Variants in CNTN5 observed in about 807,000 individuals in gnomAD.
CNTN5 encodes contactin 5.
Under a neutral mutation model 129.1 loss-of-function variants are expected in CNTN5, and 77 were observed. The observed-to-expected ratio is 0.60, with a 90% confidence interval of 0.50 to 0.72. The LOEUF (loss-of-function observed/expected upper bound fraction) is 0.72, where lower values mean the gene tolerates loss of function less well. Among genes scored for constraint, CNTN5 ranks in the 30% least tolerant of loss-of-function variants. The pLI is 0.00. For synonymous variants in CNTN5, 509 were observed against 465.6 expected (o/e 1.09, Z -1.20); for missense variants, 1,478 against 1,328.8 (o/e 1.11, Z -1.75).
At chr11:100,170,830 C>A (rs1947800842) in intron 13 of CNTN5, among the ~76,000 whole-genome samples, 1 of 151,664 alleles carries the variant, frequency 6.6e-6, no homozygotes, top group Admixed American at 6.6e-5. Flanking sequence ...TACACTGATT[C>A]TCTGATGCTT....
At chr11:99,721,056 G>C (rs115006966) in intron 3 of CNTN5, among the ~76,000 whole-genome samples, 5 of 151,962 alleles carry the variant, frequency 3.3e-5, no homozygotes, top group Admixed American at 3.3e-4. Flanking sequence ...TAAAATGGCC[G>C]TACTGCCCAA....
chr11:99,985,027 T>G (rs567985603), intron 8 of CNTN5, among the ~76,000 whole-genome samples: 16 of 152,240 alleles, frequency 1.1e-4, no homozygotes, highest in Non-Finnish European at 1.8e-4. Flanking sequence ...TGAGGGTGCC[T>G]GCAACGGTGA....
At chr11:99,580,529 A>T (rs1949541161) in intron 3 of CNTN5, among the ~76,000 whole-genome samples, 5 of 152,078 alleles carry the variant, frequency 3.3e-5, no homozygotes, top group Admixed American at 3.3e-4. Flanking sequence ...GTCTATTCAG[A>T]TATTCAACTT....
intron 1 of CNTN5, among the ~76,000 whole-genome samples, chr11:99,158,887 A>G (rs1860461065): frequency 1.3e-5 from 2 of 152,192 alleles, no homozygotes. Flanking sequence ...ATAAACCTTC[A>G]GTAAATTATA....
intron 18 of CNTN5, among the ~76,000 whole-genome samples, chr11:100,291,339 C>T (rs994033679): frequency 1.7e-4 from 26 of 151,854 alleles, no homozygotes; most frequent in African/African-American, 5.1e-4. Context: ...TTCACAATAG[C>T]GAAGACTTGG....
At chr11:99,553,191 A>T (rs1384398057) in intron 2 of CNTN5, among the ~76,000 whole-genome samples, 1 of 152,164 alleles carries the variant, frequency 6.6e-6, no homozygotes, top group Non-Finnish European at 1.5e-5. Context: ...AAGTTATTTT[A>T]AAAATGTGAG....
chr11:100,312,520 A>G (rs1426318442), intron 21 of CNTN5, among the ~76,000 whole-genome samples: 1 of 152,062 alleles, frequency 6.6e-6, no homozygotes, highest in Non-Finnish European at 1.5e-5. Context: ...ATGAACCCAT[A>G]AAGCTTAACA....
intron 13 of CNTN5, among the ~76,000 whole-genome samples, chr11:100,177,017 A>T (rs1305264323): frequency 1.3e-5 from 2 of 151,982 alleles, no homozygotes; most frequent in Non-Finnish European, 2.9e-5. Context: ...TCTGCTGAAG[A>T]GTATGTTATC....
chr11:99,741,955 A>G (rs536914885), intron 3 of CNTN5, among the ~76,000 whole-genome samples: 1 of 152,274 alleles, frequency 6.6e-6, no homozygotes, highest in African/African-American at 2.4e-5. Context: ...CATTTTACTA[A>G]CAAGAAGAAA....
intron 16 of CNTN5, among the ~76,000 whole-genome samples, chr11:100,243,060 T>C (rs1420958309): frequency 6.6e-6 from 1 of 152,214 alleles, no homozygotes; most frequent in Non-Finnish European, 1.5e-5. Context: ...CTTCCACCTC[T>C]GTAATCCTTC....
chr11:99,585,781 T>C (rs1328035727), intron 3 of CNTN5, among the ~76,000 whole-genome samples: 2 of 152,152 alleles, frequency 1.3e-5, no homozygotes, highest in Non-Finnish European at 2.9e-5. Flanking sequence ...TTAGTCATGT[T>C]TGAGAGCATG....
At position 100,222,493 on chromosome 11, in the gene CNTN5, G is replaced by A. The variant is rs185088869; in HGVS notation, c.1885-2199G>A. Among the ~76,000 whole-genome samples the A allele has an allele frequency of 2.0e-5, 3 of 152,048 alleles. No homozygotes were observed. In the East Asian group the frequency reaches 5.8e-4, roughly 29 times the overall value. On this transcript the variant is annotated intron_variant, in intron 15 of 24. Coordinates refer to ENST00000524871, the MANE Select transcript of CNTN5 (RefSeq NM_014361.4). ...AGGAGATATATAAATAAATTATTTG[G>A]GAAGACAAAAGTCTGGAAAATGAGA...
chr11:99,106,952 C>T (rs1186686552), intron 1 of CNTN5, among the ~76,000 whole-genome samples: 7 of 152,042 alleles, frequency 4.6e-5, no homozygotes, highest in South Asian at 2.1e-4. Context: ...ACTAATCCTA[C>T]GAGACCAAAA....
At chr11:99,142,571 G>C (rs1859574847) in intron 1 of CNTN5, among the ~76,000 whole-genome samples, 1 of 152,094 alleles carries the variant, frequency 6.6e-6, no homozygotes, top group South Asian at 2.1e-4. Context: ...GGAAAGACTG[G>C]CAGACCAGAC....
chr11:99,671,860 G>T (rs1389391955), intron 3 of CNTN5, among the ~76,000 whole-genome samples: 1 of 152,134 alleles, frequency 6.6e-6, no homozygotes, highest in African/African-American at 2.4e-5. Context: ...CCAAGTTAAA[G>T]AAATACTATA....
chr11:99,089,218 TC>T (rs1405038492), intron 1 of CNTN5, among the ~76,000 whole-genome samples: 1 of 152,056 alleles, frequency 6.6e-6, no homozygotes, highest in East Asian at 1.9e-4. Context: ...AATTTCTATA[TC>T]TAGTATACAA....
At chr11:100,248,042 C>G (rs1313931417) in intron 16 of CNTN5, among the ~76,000 whole-genome samples, 1 of 152,140 alleles carries the variant, frequency 6.6e-6, no homozygotes, top group Non-Finnish European at 1.5e-5. Context: ...ATTGCCATGC[C>G]TGCTTCCCTT....
rs183933221 is a variant in CNTN5 at position 99,197,698 on chromosome 11, C to A, written c.-209-127648C>A. Among the ~76,000 whole-genome samples the A allele has an allele frequency of 2.5e-3, 376 of 152,144 alleles. 1 individual carries two copies. Among genetic ancestry groups the A allele is most frequent in the African/African-American group, 8.1e-3 (338 of 41,536 alleles). On this transcript the variant is annotated intron_variant, in intron 1 of 24. Coordinates refer to ENST00000524871, the MANE Select transcript of CNTN5 (RefSeq NM_014361.4). Reference sequence around the variant, plus strand: ...CTTATACATGCTTGTGTTTCCTATACCTTTGCTTGCTCTTGAGCCTGCTAT... The same window carrying A: ...CTTATACATGCTTGTGTTTCCTATAACTTTGCTTGCTCTTGAGCCTGCTAT...
intron 2 of CNTN5, among the ~76,000 whole-genome samples, chr11:99,480,851 C>T (rs1207355203): frequency 6.6e-6 from 1 of 152,104 alleles, no homozygotes; most frequent in Non-Finnish European, 1.5e-5. Flanking sequence ...AACATCAGGG[C>T]ATCTTTTACC....
Sources: gnomAD v4.1 joint callset for allele counts (sites outside exome capture counted in the v4.1 genomes callset) on GRCh38, gnomAD v4.1.1 for gene constraint, MANE v1.5 for transcripts, NCBI Gene and HGNC (gene_info 2026-07-23, HGNC 2026-07-21) for gene names.